Variants in ADAMTS6 observed in about 807,000 individuals in gnomAD.
The protein encoded by ADAMTS6 is A disintegrin and metalloproteinase with thrombospondin motifs 6.
In ADAMTS6, 23 loss-of-function variants were observed where a neutral mutation model predicts 144.3. That is an observed-to-expected ratio of 0.16 (90% CI 0.11 to 0.23). The LOEUF is 0.23. Ranked by LOEUF, ADAMTS6 falls within the 10% of genes least tolerant of loss-of-function variation. The pLI is 1.00. For missense variants in ADAMTS6, 999 were observed against 1,379.6 expected (o/e 0.72, Z 4.37); for synonymous variants, 444 against 457.5 (o/e 0.97, Z 0.38).
intron 7 of ADAMTS6, among the ~76,000 whole-genome samples, chr5:65,451,069 A>G (rs1758702898): frequency 6.6e-6 from 1 of 152,092 alleles, no homozygotes; most frequent in Non-Finnish European, 1.5e-5. Flanking sequence ...CTTTAACACA[A>G]CTGAAAGGTA....
chr5:65,306,971 C>A (rs1743995872), intron 9 of ADAMTS6, among the ~76,000 whole-genome samples: 1 of 152,096 alleles, frequency 6.6e-6, no homozygotes, highest in East Asian at 1.9e-4. Context: ...TCTTTTCCTC[C>A]ACTGTGCTGT....
intron 10 of ADAMTS6, among the ~76,000 whole-genome samples, chr5:65,294,853 C>T (rs562325337): frequency 1.3e-5 from 2 of 151,800 alleles, no homozygotes; most frequent in Non-Finnish European, 2.9e-5. Context: ...CCAAAGGTAA[C>T]TACTATCCTA....
At chr5:65,373,073 C>G (rs1419815665) in intron 7 of ADAMTS6, among the ~76,000 whole-genome samples, 3 of 152,006 alleles carry the variant, frequency 2.0e-5, no homozygotes, top group Non-Finnish European at 4.4e-5. Context: ...AACAAAGACA[C>G]AACATACCAG....
chr5:65,380,176 G>A (rs998172114), intron 7 of ADAMTS6, among the ~76,000 whole-genome samples: 33 of 152,030 alleles, frequency 2.2e-4, no homozygotes, highest in Non-Finnish European at 1.5e-5. Context: ...TGCTGTATAG[G>A]TTCTGCATCT....
At chr5:65,300,824 G>C (rs34326042) in intron 9 of ADAMTS6, among the ~76,000 whole-genome samples, 76,764 of 151,632 alleles carry the variant, frequency 0.51, 19,506 homozygotes, top group Admixed American at 0.53. Context: ...GTAGAGACGG[G>C]GTTTCACCAT....
chr5:65,206,819 T>TTCTCTC (rs1209937051), intron 20 of ADAMTS6, among the ~76,000 whole-genome samples: 1 of 124,432 alleles, frequency 8.0e-6, no homozygotes, highest in Non-Finnish European at 1.7e-5. Flanking sequence ...GCTGTTTTTT[T>TTCTCTC]TCTCTCTCTC....
chr5:65,160,887 T>C (rs943756196), intron 24 of ADAMTS6, among the ~76,000 whole-genome samples: 3 of 146,654 alleles, frequency 2.0e-5, no homozygotes, highest in Non-Finnish European at 4.5e-5. Context: ...CCTGATCTCA[T>C]GTGATCCACC....
chr5:65,365,873 T>C (rs190790917), intron 7 of ADAMTS6, among the ~76,000 whole-genome samples: 15 of 152,320 alleles, frequency 9.8e-5, no homozygotes, highest in Admixed American at 8.5e-4. Context: ...TTGTTTCACT[T>C]GAGTACATGC....
At chr5:65,412,393 C>T (rs995417573) in intron 7 of ADAMTS6, among the ~76,000 whole-genome samples, 2 of 151,846 alleles carry the variant, frequency 1.3e-5, no homozygotes, top group Non-Finnish European at 2.9e-5. Flanking sequence ...CACATACACA[C>T]TTGCATACAC....
chr5:65,452,369 T>C, intron 5 of ADAMTS6, 153 bp from the exon 6 acceptor site: 1 of 624,176 alleles, frequency 1.6e-6, no homozygotes, highest in Non-Finnish European at 2.7e-6. Flanking sequence ...GGTGCCTTGG[T>C]AAAAGGTTTT....
At chr5:65,314,893 A>G (rs1167174560) in intron 9 of ADAMTS6, among the ~76,000 whole-genome samples, 1 of 152,184 alleles carries the variant, frequency 6.6e-6, no homozygotes, top group Admixed American at 6.5e-5. Flanking sequence ...AGGTCTATAT[A>G]CAGAAAGGAA....
intron 14 of ADAMTS6, among the ~76,000 whole-genome samples, chr5:65,252,006 G>A (rs533103049): frequency 2.0e-5 from 3 of 152,256 alleles, no homozygotes; most frequent in African/African-American, 7.2e-5. Flanking sequence ...AGAAACTGCA[G>A]ATATACTGTT....
At chr5:65,306,961 T>C (rs9291834) in intron 9 of ADAMTS6, among the ~76,000 whole-genome samples, 78,426 of 151,974 alleles carry the variant, frequency 0.52, 20,317 homozygotes, top group Admixed American at 0.54. Context: ...GTAGCAAATA[T>C]CTTTTCCTCC....
chr5:65,402,580 A>G (rs147988229), intron 7 of ADAMTS6, among the ~76,000 whole-genome samples: 5 of 152,258 alleles, frequency 3.3e-5, no homozygotes, highest in Admixed American at 2.6e-4. Context: ...AAACAACCAG[A>G]AGGAAACTTC....
rs954342001 is a variant in ADAMTS6, at chr5:65,440,148, T to C, written c.1073+11327A>G. On this transcript the variant is annotated intron_variant, in intron 7 of 24. Transcript: ENST00000381055. ...CTTAGAAAGCACAAACTGAAGTATTTAGGGGTAAAGAAGAATGATGTCTAC... is the reference window on the plus strand; with the variant it reads ...CTTAGAAAGCACAAACTGAAGTATTCAGGGGTAAAGAAGAATGATGTCTAC... Among the ~76,000 whole-genome samples the C allele has an allele frequency of 2.0e-5, 3 of 152,134 alleles. No homozygotes were observed. The East Asian group carries it at 5.8e-4, about 29-fold the overall frequency.
chr5:65,188,034 C>A lies in ADAMTS6; in HGVS notation c.2892G>T (p.Val964=). 6.2e-7 allele frequency: 1 copy of A among 1,614,104 alleles called. No individual in the cohort carries two copies. Residue 964 remains valine (V), a synonymous_variant, in exon 22 of 25, where the codon GTG becomes GTT. Coordinates refer to ENST00000381055, the MANE Select transcript of ADAMTS6 (RefSeq NM_197941.4). ...TCCTTACCTCAGACCAGTCCAAAGC[C>A]ACCCACTGTGGTGGACATGACTGGT... ...CNNQSCPPQW[V]ALDWSECTPK...
chr5:65,196,335 A>G (rs977319967), intron 21 of ADAMTS6, among the ~76,000 whole-genome samples: 15 of 151,908 alleles, frequency 9.9e-5, no homozygotes, highest in Non-Finnish European at 1.8e-4. Flanking sequence ...ATCCTGGCTA[A>G]CACAGTGAAA....
chr5:65,413,306 G>A (rs577957442), intron 7 of ADAMTS6, among the ~76,000 whole-genome samples: 3 of 152,194 alleles, frequency 2.0e-5, no homozygotes, highest in Admixed American at 6.5e-5. Flanking sequence ...TGATACCTAC[G>A]CAAGATTGCA....
chr5:65,170,064 A>G (rs1159971712), intron 24 of ADAMTS6, among the ~76,000 whole-genome samples: 2 of 152,164 alleles, frequency 1.3e-5, no homozygotes, highest in Non-Finnish European at 2.9e-5. Flanking sequence ...ACAAAAACAA[A>G]ACAGAAAGAG....
Sources: allele counts gnomAD v4.1 joint callset (sites outside exome capture counted in the v4.1 genomes callset), GRCh38; gene constraint gnomAD v4.1.1; transcripts MANE v1.5; gene names NCBI Gene and HGNC (gene_info 2026-07-23, HGNC 2026-07-21).